Variants in AMOTL1 observed in about 807,000 individuals in gnomAD.
AMOTL1 encodes angiomotin like 1.
A neutral mutation model predicts 102.9 loss-of-function variants in AMOTL1; 45 were observed. That is an observed-to-expected ratio of 0.44 (90% CI 0.34 to 0.56). The LOEUF is 0.56. AMOTL1 is among the 20% of genes least tolerant of loss of function. The pLI is 0.01. For synonymous variants in AMOTL1, 481 were observed against 484.7 expected, an observed-to-expected ratio of 0.99 and a Z score of 0.10; for missense variants, 1,114 against 1,225.6, an observed-to-expected ratio of 0.91 and a Z score of 1.36.
intron 1 of AMOTL1, among the ~76,000 whole-genome samples, chr11:94,785,659 C>A (rs1031731142): frequency 5.9e-5 from 9 of 152,092 alleles, no homozygotes; most frequent in African/African-American, 2.2e-4. Flanking sequence ...TGTGGGATGC[C>A]GCTGCCTGAC....
chr11:94,845,822 G>A (rs79333159), intron 6 of AMOTL1, among the ~76,000 whole-genome samples: 124 of 152,312 alleles, frequency 8.1e-4, no homozygotes, highest in Non-Finnish European at 1.6e-3. Context: ...AGCTCCCTGC[G>A]CCACACAGTT....
chr11:94,872,358 A>C lies in AMOTL1; in HGVS notation c.*1563A>C, dbSNP rs1467599948. 1 of 152,252 alleles carries C rather than the reference A, an allele frequency of 6.6e-6. No homozygotes were observed. Among genetic ancestry groups the C allele is most frequent in the Non-Finnish European group, 1.5e-5 (1 of 68,088 alleles). The allele number at this position is 152,252 out of a possible 1,614,324, so 9.4% of individuals were successfully genotyped here. A position where few individuals can be genotyped will look rare whatever the true frequency, so the allele number is the denominator to read the frequency against. On this transcript the variant is annotated 3_prime_UTR_variant, in exon 13 of 13. Coordinates refer to ENST00000433060, the MANE Select transcript of AMOTL1 (RefSeq NM_130847.3). ...AGGTCAGCTGGATCGCTGTTTTCCC[A>C]GTTCCCTTTGCTCATGCTTACTTAG...
intron 6 of AMOTL1, among the ~76,000 whole-genome samples, chr11:94,837,168 A>G (rs1224268864): frequency 6.6e-6 from 1 of 152,158 alleles, no homozygotes; most frequent in African/African-American, 2.4e-5. Context: ...GCTCCAGCAA[A>G]TTGTCTTGGA....
At chr11:94,742,335 C>T (rs1276250982) in intron 3 of AMOTL1, among the ~76,000 whole-genome samples, 1 of 152,240 alleles carries the variant, frequency 6.6e-6, no homozygotes, top group East Asian at 1.9e-4. Context: ...GTTAATGACA[C>T]CAGCATTGAC....
intron 1 of AMOTL1, among the ~76,000 whole-genome samples, chr11:94,773,024 A>G (rs980178521): frequency 5.9e-5 from 9 of 152,208 alleles, no homozygotes; most frequent in Admixed American, 1.3e-4. Flanking sequence ...TCTTTGGCGA[A>G]ATAACTATTC....
chr11:94,854,112 A>T (rs558041236), intron 8 of AMOTL1, 30 bp downstream of exon 8: 6 of 1,500,746 alleles, frequency 4.0e-6, no homozygotes, highest in East Asian at 2.5e-5. Flanking sequence ...CTGGTGAAAG[A>T]ATTAGATATG....
At chr11:94,862,451 A>G (rs77632743) in intron 9 of AMOTL1, among the ~76,000 whole-genome samples, 2,002 of 152,320 alleles carry the variant, frequency 0.013, 44 homozygotes, top group African/African-American at 0.046. Flanking sequence ...TGCATGCTTT[A>G]TATTTATAAT....
intron 3 of AMOTL1, among the ~76,000 whole-genome samples, chr11:94,742,092 C>T (rs888670074): frequency 6.6e-6 from 1 of 152,196 alleles, no homozygotes; most frequent in Non-Finnish European, 1.5e-5. Flanking sequence ...CATTCTGTGG[C>T]TGGGAGGAGT....
At chr11:94,714,722 C>G (rs2135433329) in intron 1 of AMOTL1, among the ~76,000 whole-genome samples, 1 of 152,120 alleles carries the variant, frequency 6.6e-6, no homozygotes, top group Middle Eastern at 3.4e-3. Context: ...GCAATATCTC[C>G]TGTTTGATAT....
Position 94,850,236 on chromosome 11 carries a change from A to C in AMOTL1, c.1771A>C (p.Arg591=). Residue 591 remains arginine, a synonymous_variant, in exon 7 of 13, where the codon AGG becomes CGG. Coordinates refer to ENST00000433060, the MANE Select transcript of AMOTL1 (RefSeq NM_130847.3). Reference sequence around the variant, plus strand: ...CCAGGCTTTGAGCAACGCCCAGGCCAGGGTCATCAAGCTGGAAGAGGAGGT... The same window carrying C: ...CCAGGCTTTGAGCAACGCCCAGGCCCGGGTCATCAAGCTGGAAGAGGAGGT... ...LDQALSNAQA[R]VIKLEEELRE... is the part of the protein sequence containing the mutation. 6.3e-7 allele frequency: 1 copy of C among 1,595,390 alleles called. No individual in the cohort carries two copies. The highest frequency in any genetic ancestry group is 2.3e-5 in the East Asian group (1 of 44,302).
chr11:94,836,880 C>T (rs554767537), intron 6 of AMOTL1, among the ~76,000 whole-genome samples: 3 of 151,760 alleles, frequency 2.0e-5, no homozygotes, highest in Non-Finnish European at 4.4e-5. Context: ...TCCTTTAACT[C>T]CTTCCCATTT....
At chr11:94,708,160 C>T (rs748451560) in intron 1 of AMOTL1, among the ~76,000 whole-genome samples, 1 of 152,132 alleles carries the variant, frequency 6.6e-6, no homozygotes, top group Non-Finnish European at 1.5e-5. Flanking sequence ...AGCTCGTCCC[C>T]CCTGCTACCA....
chr11:94,735,326 G>A (rs895679598), intron 2 of AMOTL1, among the ~76,000 whole-genome samples: 6 of 152,236 alleles, frequency 3.9e-5, no homozygotes, highest in Non-Finnish European at 7.3e-5. Context: ...AGTATGTAGA[G>A]TGTGCTCTTA....
chr11:94,793,657 G>C (rs902435142), intron 1 of AMOTL1, among the ~76,000 whole-genome samples: 21 of 152,214 alleles, frequency 1.4e-4, no homozygotes, highest in Non-Finnish European at 2.6e-4. Context: ...TAGATTTATA[G>C]ACGTAGAGGA....
chr11:94,840,681 T>TATATATATATATATAG (rs1166713705), intron 6 of AMOTL1, among the ~76,000 whole-genome samples: 1 of 104,810 alleles, frequency 9.5e-6, no homozygotes, highest in African/African-American at 4.0e-5. Flanking sequence ...TATATATATA[T>TATATATATATATATAG]ACACACACAC....
intron 12 of AMOTL1, among the ~76,000 whole-genome samples, chr11:94,870,236 T>C (rs1952968475): frequency 6.6e-6 from 1 of 152,194 alleles, no homozygotes; most frequent in Non-Finnish European, 1.5e-5. Flanking sequence ...AGGAATTCTT[T>C]TGAGGAGGTG....
chr11:94,797,844 T>G (rs1158935671), intron 2 of AMOTL1, among the ~76,000 whole-genome samples: 1 of 152,156 alleles, frequency 6.6e-6, no homozygotes, highest in Non-Finnish European at 1.5e-5. Flanking sequence ...GTTGGATAGG[T>G]AGGTAGTACC....
At chr11:94,740,864 T>TGGGAGAGAGAAGCCCGCGC in intron 2 of AMOTL1, 1 of 1,125,844 alleles carries the variant, frequency 8.9e-7, no homozygotes, top group South Asian at 1.3e-5. Context: ...GGACCTGCGC[T>TGGGAGAGAGAAGCCCGCGC]TGAGCTGGTG....
intron 6 of AMOTL1, among the ~76,000 whole-genome samples, chr11:94,846,015 T>C (rs1952403568): frequency 6.6e-6 from 1 of 152,224 alleles, no homozygotes; most frequent in African/African-American, 2.4e-5. Flanking sequence ...GGCCTTCTTA[T>C]GAGGTGGTTT....
Sources: allele counts gnomAD v4.1 joint callset (sites outside exome capture counted in the v4.1 genomes callset), GRCh38; gene constraint gnomAD v4.1.1; transcripts MANE v1.5; gene names NCBI Gene and HGNC (gene_info 2026-07-23, HGNC 2026-07-21).